The following NACC2 variants were observed in gnomAD, a reference collection of about 807,000 sequenced individuals.
NACC2 encodes NACC family member 2.
In NACC2, 8 loss-of-function variants were observed where a neutral mutation model predicts 25.1. The observed-to-expected ratio is 0.32, with a 90% CI of 0.19 to 0.57. NACC2 has a LOEUF of 0.57. NACC2 is among the 20% of genes least tolerant of loss of function. NACC2 has a pLI of 0.89. For missense variants in NACC2, 644 were observed against 650.2 expected (o/e 0.99, Z 0.10); for synonymous variants, 435 against 294.7 (o/e 1.48, Z -4.88).
chr9:136,066,347 G>A (rs560573557), intron 1 of NACC2, among the ~76,000 whole-genome samples: 1 of 152,290 alleles, frequency 6.6e-6, no homozygotes, highest in East Asian at 1.9e-4. Context: ...CAAGGCATCT[G>A]AAAAGGTATT....
intron 1 of NACC2, among the ~76,000 whole-genome samples, chr9:136,075,699 G>T (rs910879160): frequency 6.6e-6 from 1 of 152,198 alleles, no homozygotes; most frequent in Non-Finnish European, 1.5e-5. Flanking sequence ...TCTTCCACAC[G>T]CGGGGAGGAC....
At chr9:136,069,578 CA>C (rs931855636) in intron 1 of NACC2, among the ~76,000 whole-genome samples, 1 of 148,992 alleles carries the variant, frequency 6.7e-6, no homozygotes, top group East Asian at 2.0e-4. Flanking sequence ...CAAAACAAAA[CA>C]AAAAAAACAC....
chr9:136,091,391 G>T (rs1297129733), intron 1 of NACC2, among the ~76,000 whole-genome samples: 1 of 152,182 alleles, frequency 6.6e-6, no homozygotes, highest in Admixed American at 6.5e-5. Context: ...TGAGCCCAGG[G>T]TTCTGGCTGC....
At chr9:136,083,892 AC>A in intron 1 of NACC2, among the ~76,000 whole-genome samples, 1 of 152,224 alleles carries the variant, frequency 6.6e-6, no homozygotes, top group African/African-American at 2.4e-5. Flanking sequence ...TCCACCAAGA[AC>A]CTGGCTGGCC....
chr9:136,077,060 G>C (rs1830270711), intron 1 of NACC2, among the ~76,000 whole-genome samples: 1 of 151,910 alleles, frequency 6.6e-6, no homozygotes, highest in Non-Finnish European at 1.5e-5. Context: ...GGCGCCTGTA[G>C]TCCCAGCCAC....
chr9:136,028,794 TG>T (rs1267099940), intron 2 of NACC2, among the ~76,000 whole-genome samples: 1 of 152,236 alleles, frequency 6.6e-6, no homozygotes, highest in Admixed American at 6.5e-5. Context: ...TCCTGCTGCC[TG>T]GCCCTCTCCT....
At chr9:136,017,896 G>A (rs528580702) in intron 2 of NACC2, among the ~76,000 whole-genome samples, 14 of 152,334 alleles carry the variant, frequency 9.2e-5, no homozygotes, top group African/African-American at 2.9e-4. Flanking sequence ...CCACCTGCCC[G>A]ATTGCACGAG....
intron 1 of NACC2, among the ~76,000 whole-genome samples, chr9:136,061,675 C>T (rs1345348086): frequency 6.6e-6 from 1 of 152,172 alleles, no homozygotes. Context: ...TGGCAACATC[C>T]TCCTGGTCAG....
At chr9:136,052,156 C>G (rs1269447608) in intron 1 of NACC2, among the ~76,000 whole-genome samples, 1 of 152,208 alleles carries the variant, frequency 6.6e-6, no homozygotes, top group Non-Finnish European at 1.5e-5. Flanking sequence ...GAGGAATGCG[C>G]GGCCCCGGGT....
chr9:136,053,827 G>C lies in NACC2; in HGVS notation c.-59-3247C>G, dbSNP rs891002811. Among the ~76,000 whole-genome samples, 2 of 152,224 alleles carry C rather than the reference G, an allele frequency of 1.3e-5. 1 individual carries two copies. The highest frequency in any genetic ancestry group is 4.1e-4 in the South Asian group (2 of 4,832). On this transcript the variant is annotated intron_variant, in intron 1 of 5. Transcript: ENST00000277554. ...AGAGGGGACAGGCAGAGGCCAGCACGGCGCACCGGTTCCTGGGGGTCCCAA... is the reference window on the plus strand; with the variant it reads ...AGAGGGGACAGGCAGAGGCCAGCACCGCGCACCGGTTCCTGGGGGTCCCAA...
At chr9:136,078,686 A>G (rs1394754239) in intron 1 of NACC2, among the ~76,000 whole-genome samples, 2 of 152,254 alleles carry the variant, frequency 1.3e-5, no homozygotes, top group Non-Finnish European at 2.9e-5. Context: ...GCTGGGGGAC[A>G]GGTCAGGCAC....
chr9:136,042,661 AAC>A (rs572907892), intron 2 of NACC2, among the ~76,000 whole-genome samples: 71 of 150,850 alleles, frequency 4.7e-4, no homozygotes, highest in African/African-American at 1.3e-3. Context: ...CACACACAGA[AAC>A]ACACACAGAC....
Position 136,008,498 on chromosome 9 carries a change from G to C in NACC2, c.*3018C>G, listed in dbSNP as rs532688298. On this transcript the variant is annotated 3_prime_UTR_variant, in exon 6 of 6. Transcript: ENST00000277554. Reference sequence around the variant, plus strand: ...GCTAATAGTCAGGCTTAGGGATAAAGGTGCAGACATCTCATAAATACTGAG... The same window carrying C: ...GCTAATAGTCAGGCTTAGGGATAAACGTGCAGACATCTCATAAATACTGAG... 1 of 152,450 alleles carries C rather than the reference G, an allele frequency of 6.6e-6. No individual in the cohort carries two copies. Among genetic ancestry groups the C allele is most frequent in the South Asian group, 2.1e-4 (1 of 4,838 alleles). 9.4% of individuals were successfully genotyped at this position (152,450 alleles called of 1,614,324 possible). A position where few individuals can be genotyped will look rare whatever the true frequency, so the allele number is the denominator to read the frequency against.
chr9:136,054,879 C>T (rs924438830), intron 1 of NACC2, among the ~76,000 whole-genome samples: 92 of 152,312 alleles, frequency 6.0e-4, no homozygotes, highest in Non-Finnish European at 2.5e-4. Flanking sequence ...GCTCTCAAAA[C>T]GCCCTTCAGA....
chr9:136,086,097 C>G lies in NACC2; in HGVS notation c.-60+9092G>C, dbSNP rs1408536682. Among the ~76,000 whole-genome samples the G allele has an allele frequency of 6.6e-6, 1 of 152,236 alleles. No individual in the cohort carries two copies. The highest frequency in any genetic ancestry group is 2.4e-5 in the African/African-American group (1 of 41,474). ...GACGGGCAGGAGCCGCCTCCAGGCCCTTCACCTCGGGCTGGAGAAAACCAA... is the reference window on the plus strand; with the variant it reads ...GACGGGCAGGAGCCGCCTCCAGGCCGTTCACCTCGGGCTGGAGAAAACCAA... On this transcript the variant is annotated intron_variant, in intron 1 of 5. Coordinates refer to ENST00000277554, the MANE Select transcript of NACC2 (RefSeq NM_144653.5). The surrounding 1 kb of genome is among the most constrained non-coding windows in gnomAD (Gnocchi z 5.6).
In NACC2 at chr9:136,019,563, T is replaced by A. The variant is rs1375929308; in HGVS notation, c.887-3134A>T. The A allele has an allele frequency of 6.6e-6, 1 of 152,104 alleles. No homozygotes were observed. The highest frequency in any genetic ancestry group is 1.5e-5 in the Non-Finnish European group (1 of 68,036). 9.4% of individuals were successfully genotyped at this position (152,104 alleles called of 1,614,324 possible). A position where few individuals can be genotyped will look rare whatever the true frequency, so the allele number is the denominator to read the frequency against. ...CAGCATGGTGACATCTGGGAACAGC[T>A]CATAAAGAGCAATGAGCTAACTGCA... On this transcript the variant is annotated intron_variant, in intron 2 of 5. Transcript: ENST00000277554. This position sits in a 1 kb window ranked among gnomAD's most constrained non-coding sequence, Gnocchi z 5.2.
chr9:136,058,453 C>T (rs572080529), intron 1 of NACC2, among the ~76,000 whole-genome samples: 16 of 152,368 alleles, frequency 1.1e-4, no homozygotes, highest in African/African-American at 3.8e-4. Flanking sequence ...CTCCCCAGGG[C>T]CCTGGCCATC....
intron 1 of NACC2, among the ~76,000 whole-genome samples, chr9:136,074,303 AT>A (rs1365334864): frequency 1.3e-5 from 2 of 148,278 alleles, no homozygotes; most frequent in Admixed American, 1.4e-4. Context: ...ATACAAAAAA[AT>A]TAGCCGGGCA....
intron 1 of NACC2, among the ~76,000 whole-genome samples, chr9:136,085,772 C>G (rs973255280): frequency 6.6e-6 from 1 of 152,210 alleles, no homozygotes; most frequent in Non-Finnish European, 1.5e-5. Context: ...TATCTTTTAC[C>G]TTTTTTCTTA....
Sources: gnomAD v4.1 joint callset for allele counts (sites outside exome capture counted in the v4.1 genomes callset) on GRCh38, gnomAD v4.1.1 for gene constraint, Gnocchi (gnomAD v3.1) non-coding constraint, MANE v1.5 for transcripts, NCBI Gene and HGNC (gene_info 2026-07-23, HGNC 2026-07-21) for gene names.